The following PDE4D variants were observed in gnomAD, a reference collection of about 807,000 sequenced individuals.
PDE4D encodes 3',5'-cyclic-AMP phosphodiesterase 4D.
A neutral mutation model predicts 87.4 loss-of-function variants in PDE4D; 24 were observed. The observed-to-expected ratio is 0.27, with a 90% confidence interval of 0.20 to 0.39. PDE4D has a LOEUF of 0.39. Among genes scored for constraint, PDE4D ranks in the 10% least tolerant of loss-of-function variants. The probability of loss-of-function intolerance (pLI) is 1.00; values close to 1 mark genes in which losing one functional copy is unlikely to be tolerated. For synonymous variants in PDE4D, 384 were observed against 383.2 expected (o/e 1.00, Z -0.02); for missense variants, 714 against 1,041.0 (o/e 0.69, Z 4.32).
intron 1 of PDE4D, among the ~76,000 whole-genome samples, chr5:59,661,828 A>G (rs961849855): frequency 6.6e-6 from 1 of 152,218 alleles, no homozygotes; most frequent in African/African-American, 2.4e-5. Flanking sequence ...GTAGGCCAGG[A>G]TAAAGCTGTG....
chr5:59,756,214 A>T (rs1042254797), intron 1 of PDE4D, among the ~76,000 whole-genome samples: 2 of 151,980 alleles, frequency 1.3e-5, no homozygotes, highest in Admixed American at 1.3e-4. Context: ...AAATCTTGAC[A>T]TTTCTTTTGT....
chr5:60,069,727 T>C (rs1461450098), intron 2 of PDE4D, among the ~76,000 whole-genome samples: 1 of 152,094 alleles, frequency 6.6e-6, no homozygotes, highest in East Asian at 1.9e-4. Context: ...AAAATGACAT[T>C]GAGATTTGGA....
chr5:59,018,461 C>G (rs891713722), intron 6 of PDE4D, among the ~76,000 whole-genome samples: 1 of 152,072 alleles, frequency 6.6e-6, no homozygotes, highest in East Asian at 1.9e-4. Context: ...TTATAAATTC[C>G]TTAAACTTAA....
intron 2 of PDE4D, among the ~76,000 whole-genome samples, chr5:59,214,079 A>ACACAC (rs1561725422): frequency 4.9e-5 from 6 of 123,680 alleles, no homozygotes; most frequent in African/African-American, 1.9e-4. Context: ...CACACACACA[A>ACACAC]CCATTCTATA....
At chr5:59,213,303 G>A (rs923599311) in intron 2 of PDE4D, among the ~76,000 whole-genome samples, 3 of 151,828 alleles carry the variant, frequency 2.0e-5, no homozygotes, top group Non-Finnish European at 2.9e-5. Flanking sequence ...TGGGACTAAA[G>A]GCATGTGCCA....
rs1220243355 is a variant in PDE4D at position 59,460,975 on chromosome 5, T to C, written c.456-245007A>G. On this transcript the variant is annotated intron_variant, in intron 1 of 14. Transcript: ENST00000340635. Reference sequence around the variant, plus strand: ...GCAGCACATGTGCTCTGCCAAGATATGTGTCAGCCATGAAGGAACACACTT... The same window carrying C: ...GCAGCACATGTGCTCTGCCAAGATACGTGTCAGCCATGAAGGAACACACTT... 2.6e-5 allele frequency among the ~76,000 whole-genome samples: 4 copies of C among 152,116 alleles called. No homozygotes were observed. The South Asian group carries it at 6.2e-4, about 24-fold the overall frequency.
chr5:60,059,434 G>A (rs888205971), intron 2 of PDE4D, among the ~76,000 whole-genome samples: 1 of 151,920 alleles, frequency 6.6e-6, no homozygotes, highest in African/African-American at 2.4e-5. Flanking sequence ...GTCACTAAAG[G>A]GGAGAAAAGT....
chr5:59,072,137 G>C (rs1764948561), intron 5 of PDE4D, among the ~76,000 whole-genome samples: 1 of 152,178 alleles, frequency 6.6e-6, no homozygotes, highest in South Asian at 2.1e-4. Flanking sequence ...GCATAGGTAA[G>C]ATTTGTCAAC....
At chr5:60,186,479 G>A (rs999772316) in intron 1 of PDE4D, among the ~76,000 whole-genome samples, 1 of 152,100 alleles carries the variant, frequency 6.6e-6, no homozygotes, top group Non-Finnish European at 1.5e-5. Context: ...ATGATATTCT[G>A]CTACATCAGG....
intron 1 of PDE4D, among the ~76,000 whole-genome samples, chr5:60,416,349 G>A (rs1040318719): frequency 6.6e-6 from 1 of 152,186 alleles, no homozygotes; most frequent in African/African-American, 2.4e-5. Flanking sequence ...CACTGTAGAA[G>A]CTTTGTTTTT....
intron 1 of PDE4D, among the ~76,000 whole-genome samples, chr5:59,874,998 C>A (rs989288678): frequency 6.6e-6 from 1 of 152,148 alleles, no homozygotes; most frequent in African/African-American, 2.4e-5. Context: ...CCAGGCAATG[C>A]AGAAAAATCC....
chr5:59,794,149 A>G (rs758776317), intron 1 of PDE4D, among the ~76,000 whole-genome samples: 3,133 of 79,742 alleles, frequency 0.039, 51 homozygotes, highest in South Asian at 0.099. Flanking sequence ...ACACACACAC[A>G]CACACACACA....
chr5:59,332,135 TATG>T (rs1776828938), intron 1 of PDE4D, among the ~76,000 whole-genome samples: 1 of 152,230 alleles, frequency 6.6e-6, no homozygotes, highest in South Asian at 2.1e-4. Flanking sequence ...TCAGAGGCAA[TATG>T]ATGAAAATAT....
At chr5:59,934,413 C>T (rs1756332505) in intron 3 of PDE4D, among the ~76,000 whole-genome samples, 1 of 152,154 alleles carries the variant, frequency 6.6e-6, no homozygotes, top group Non-Finnish European at 1.5e-5. Flanking sequence ...TGATACATGT[C>T]TAAGGGCTGT....
chr5:59,756,410 T>C (rs1227226202), intron 1 of PDE4D, among the ~76,000 whole-genome samples: 1 of 152,062 alleles, frequency 6.6e-6, no homozygotes, highest in Non-Finnish European at 1.5e-5. Context: ...TTAAAATGCA[T>C]GTATTTGACA....
chr5:59,042,999 C>T (rs995123142), intron 5 of PDE4D, among the ~76,000 whole-genome samples: 4 of 152,152 alleles, frequency 2.6e-5, no homozygotes, highest in African/African-American at 9.7e-5. Flanking sequence ...TACTCTTACC[C>T]ACAACTCACA....
intron 1 of PDE4D, among the ~76,000 whole-genome samples, chr5:59,435,008 C>T (rs74849140): frequency 0.04 from 6,071 of 152,056 alleles, 346 homozygotes; most frequent in East Asian, 0.14. Context: ...AAGATATATA[C>T]CCAAGGTCAC....
At chr5:59,053,874 C>A (rs1202549072) in intron 5 of PDE4D, among the ~76,000 whole-genome samples, 1 of 151,488 alleles carries the variant, frequency 6.6e-6, no homozygotes, top group South Asian at 2.1e-4. Context: ...TCAGATCGTG[C>A]CACTGCACTC....
intron 1 of PDE4D, among the ~76,000 whole-genome samples, chr5:59,479,451 T>A (rs1048113463): frequency 6.6e-6 from 1 of 152,128 alleles, no homozygotes; most frequent in Non-Finnish European, 1.5e-5. Flanking sequence ...GGTGAAATCA[T>A]ACGTATTTTC....
Sources: allele counts gnomAD v4.1 joint callset (sites outside exome capture counted in the v4.1 genomes callset), GRCh38; gene constraint gnomAD v4.1.1; transcripts MANE v1.5; gene names NCBI Gene and HGNC (gene_info 2026-07-23, HGNC 2026-07-21).